Variants in NGFR observed in about 807,000 individuals in gnomAD.
The protein encoded by NGFR is tumor necrosis factor receptor superfamily member 16.
A neutral mutation model predicts 43.2 loss-of-function variants in NGFR; 30 were observed. That is an observed-to-expected ratio of 0.69 (90% CI 0.52 to 0.94). The LOEUF (loss-of-function observed/expected upper bound fraction) is 0.94, where lower values mean the gene tolerates loss of function less well. Ranked by LOEUF, NGFR falls within the 40% of genes least tolerant of loss-of-function variation. NGFR has a pLI of 0.00. For missense variants in NGFR, 529 were observed against 602.5 expected, an observed-to-expected ratio of 0.88 and a Z score of 1.28; for synonymous variants, 246 against 259.6, an observed-to-expected ratio of 0.95 and a Z score of 0.50.
chr17:49,510,476 C>G lies in NGFR; in HGVS notation c.633C>G (p.Ser211Arg), dbSNP rs777853819. ...AGGGCTCGGACAGCACAGCCCCCAG[C>G]ACCCAGGAGCCTGAGGCACCTCCAG... is the stretch of plus-strand genomic sequence containing the variant. The part of the protein sequence containing the change: ...PPEGSDSTAP[S>R]TQEPEAPPEQ... The change falls in exon 4 of 6, where the codon AGC becomes AGG. Residue 211 changes from serine to arginine, a missense_variant. Physicochemically the swap from Ser to Arg is moderately radical, Grantham distance 110. Coordinates refer to ENST00000172229, the MANE Select transcript of NGFR (RefSeq NM_002507.4). 1 of 1,614,126 alleles carries G rather than the reference C, an allele frequency of 6.2e-7. No individual in the cohort carries two copies. Among genetic ancestry groups the G allele is most frequent in the South Asian group, 1.1e-5 (1 of 91,074 alleles).
chr17:49,502,017 C>G, intron 1 of NGFR, 46 bp from the exon 2 acceptor site: 1 of 1,305,692 alleles, frequency 7.7e-7, no homozygotes. Context: ...CCAACCCACC[C>G]CAGCTTTCTC....
rs11466126 is a variant in NGFR at position 49,495,340 on chromosome 17, G to GAGCGC, written c.-64_-60dup. On this transcript the variant is annotated 5_prime_UTR_variant, in exon 1 of 6. Coordinates refer to ENST00000172229, the MANE Select transcript of NGFR (RefSeq NM_002507.4). The surrounding 1 kb of genome is among the most constrained non-coding windows in gnomAD (Gnocchi z 6.4). ...GCTCCGGCGGGCAGGGGGGGCGCTG[G>GAGCGC]AGCGCAGCGCAGCGCAGCCCCATCA... 73 of 1,110,138 alleles carry GAGCGC rather than the reference G, an allele frequency of 6.6e-5. No individual in the cohort carries two copies. The highest frequency in any genetic ancestry group is 6.6e-4 in the Middle Eastern group (2 of 3,012). The allele number at this position is 1,110,138 out of a possible 1,614,324, so 68.8% of individuals were successfully genotyped here. A position where few individuals can be genotyped will look rare whatever the true frequency, so the allele number is the denominator to read the frequency against.
At chr17:49,501,923 C>T in intron 1 of NGFR, 140 bp from the exon 2 acceptor site, 1 of 760,170 alleles carries the variant, frequency 1.3e-6, no homozygotes, top group Non-Finnish European at 2.0e-6. Flanking sequence ...TTCCTAACGC[C>T]TCCCTGGTGA....
In NGFR at chr17:49,513,095, T is replaced by A; in HGVS notation, c.*86T>A. On this transcript the variant is annotated 3_prime_UTR_variant, in exon 6 of 6. Transcript: ENST00000172229. ...CTGTGGAGCCCGCACCCCCACCCTT[T>A]GGGGGGGGCCCGCCTGGCAGAACTG... 1 of 1,349,604 alleles carries A rather than the reference T, an allele frequency of 7.4e-7. No homozygotes were observed. The highest frequency in any genetic ancestry group is 9.8e-7 in the Non-Finnish European group (1 of 1,021,412). 83.6% of individuals were successfully genotyped at this position (1,349,604 alleles called of 1,614,324 possible).
In NGFR at chr17:49,495,820, C is replaced by A; in HGVS notation, c.66+337C>A. The A allele has an allele frequency of 3.4e-6, 1 of 294,380 alleles. No homozygotes were observed. The highest frequency in any genetic ancestry group is 6.3e-6 in the Non-Finnish European group (1 of 159,448). 18.2% of individuals were successfully genotyped at this position (294,380 alleles called of 1,614,324 possible). ...TCTTCGGAAGAGGACACTCGAATGC[C>A]GGGATCCCGAAGGGACTTTCCCCTC... On this transcript the variant is annotated intron_variant, in intron 1 of 5. Transcript: ENST00000172229. This position sits in a 1 kb window ranked among gnomAD's most constrained non-coding sequence, Gnocchi z 6.4.
chr17:49,512,155 T>C lies in NGFR; in HGVS notation c.982+103T>C. 7.0e-7 allele frequency: 1 copy of C among 1,419,714 alleles called. No individual in the cohort carries two copies. The highest frequency in any genetic ancestry group is 9.4e-7 in the Non-Finnish European group (1 of 1,060,132). The allele number at this position is 1,419,714 out of a possible 1,614,324, so 87.9% of individuals were successfully genotyped here. A position where few individuals can be genotyped will look rare whatever the true frequency, so the allele number is the denominator to read the frequency against. Reference sequence around the variant, plus strand: ...AGGACTGTCGGGGGGGCGGCAGGGCTGGCTCAGCGGTGCCCCTGTAGATGG... The same window carrying C: ...AGGACTGTCGGGGGGGCGGCAGGGCCGGCTCAGCGGTGCCCCTGTAGATGG... On this transcript the variant is annotated intron_variant, in intron 5 of 5. Transcript: ENST00000172229. The surrounding 1 kb of genome is among the most constrained non-coding windows in gnomAD (Gnocchi z 5.2).
chr17:49,506,528 CGAG>C lies in NGFR; in HGVS notation c.442_444del (p.Glu148del). 1 of 1,611,764 alleles carries C rather than the reference CGAG, an allele frequency of 6.2e-7. No homozygotes were observed. Among genetic ancestry groups the C allele is most frequent in the Non-Finnish European group, 8.5e-7 (1 of 1,179,584 alleles). ...GCCAGGACAAGCAGAACACCGTGTG[CGAG>C]GAGTGCCCCGACGGCACGTATTCCG... On this transcript the variant is annotated inframe_deletion, in exon 3 of 6. Coordinates refer to ENST00000172229, the MANE Select transcript of NGFR (RefSeq NM_002507.4).
chr17:49,497,109 C>G (rs1192097395), intron 1 of NGFR: 2 of 152,268 alleles, frequency 1.3e-5, no homozygotes, highest in Admixed American at 6.5e-5. Flanking sequence ...TACTCCCCCA[C>G]CTTTTCAGGG....
chr17:49,505,361 C>T (rs1381383521), intron 2 of NGFR, among the ~76,000 whole-genome samples: 1 of 152,162 alleles, frequency 6.6e-6, no homozygotes, highest in Non-Finnish European at 1.5e-5. Flanking sequence ...TCCAGGGTGG[C>T]ACAGAGTTCC....
At chr17:49,508,564 C>G (rs1027397630) in intron 3 of NGFR, among the ~76,000 whole-genome samples, 7 of 152,288 alleles carry the variant, frequency 4.6e-5, no homozygotes, top group Non-Finnish European at 7.4e-5. Flanking sequence ...CATTTACTTA[C>G]GTTTCAGGTG....
intron 2 of NGFR, chr17:49,506,025 C>T: frequency 2.0e-6 from 1 of 499,160 alleles, no homozygotes; most frequent in Non-Finnish European, 3.4e-6. Flanking sequence ...AACTTAGCGG[C>T]ACCAGCTGGG....
intron 1 of NGFR, 64 bp from the exon 2 acceptor site, chr17:49,501,999 A>AGGGCCCCCCCCCCCCCCCCCC: frequency 3.0e-6 from 1 of 330,984 alleles, no homozygotes. Context: ...TCCCCGGAAG[A>AGGGCCCCCCCCCCCCCCCCCC]ACCCCCCCCA....
At chr17:49,502,749 C>T (rs1349401559) in intron 2 of NGFR, among the ~76,000 whole-genome samples, 3 of 151,898 alleles carry the variant, frequency 2.0e-5, no homozygotes, top group Non-Finnish European at 2.9e-5. Flanking sequence ...GCCATGAAGA[C>T]GTCCTTACTG....
intron 2 of NGFR, 45 bp from the exon 3 acceptor site, chr17:49,506,254 T>A (rs1332402713): frequency 6.6e-7 from 1 of 1,509,006 alleles, no homozygotes; most frequent in Non-Finnish European, 8.8e-7. Flanking sequence ...GCGTCCCGGG[T>A]GCCCAAAAGA....
chr17:49,495,751 A>T lies in NGFR; in HGVS notation c.66+268A>T. Reference sequence around the variant, plus strand: ...CGCAGGGGGCGGTGGGGGAGCTGGGAGGGGTCTTTCAAGAGGGGGCATGGG... The same window carrying T: ...CGCAGGGGGCGGTGGGGGAGCTGGGTGGGGTCTTTCAAGAGGGGGCATGGG... On this transcript the variant is annotated intron_variant, in intron 1 of 5. Coordinates refer to ENST00000172229, the MANE Select transcript of NGFR (RefSeq NM_002507.4). This position sits in a 1 kb window ranked among gnomAD's most constrained non-coding sequence, Gnocchi z 6.4. 3.8e-5 allele frequency: 13 copies of T among 340,618 alleles called. No homozygotes were observed. Among genetic ancestry groups the T allele is most frequent in the Non-Finnish European group, 5.8e-5 (11 of 190,014 alleles). The allele number at this position is 340,618 out of a possible 1,614,324, so 21.1% of individuals were successfully genotyped here. A position where few individuals can be genotyped will look rare whatever the true frequency, so the allele number is the denominator to read the frequency against.
chr17:49,504,543 C>T (rs1567739023), intron 2 of NGFR, among the ~76,000 whole-genome samples: 1 of 152,138 alleles, frequency 6.6e-6, no homozygotes, highest in South Asian at 2.1e-4. Flanking sequence ...GCAGATATTG[C>T]TCCTTATTTT....
In NGFR at chr17:49,512,131, G is replaced by A. The variant is rs2071237322; in HGVS notation, c.982+79G>A. On this transcript the variant is annotated intron_variant, in intron 5 of 5. Coordinates refer to ENST00000172229, the MANE Select transcript of NGFR (RefSeq NM_002507.4). This position sits in a 1 kb window ranked among gnomAD's most constrained non-coding sequence, Gnocchi z 5.2. ...AGCAATTAAGATTAGACTCCAGGAA[G>A]GACTGTCGGGGGGGCGGCAGGGCTG... 6.6e-7 allele frequency: 1 copy of A among 1,508,900 alleles called. No individual in the cohort carries two copies. The highest frequency in any genetic ancestry group is 1.3e-5 in the South Asian group (1 of 78,854). The allele number at this position is 1,508,900 out of a possible 1,614,324, so 93.5% of individuals were successfully genotyped here.
chr17:49,506,116 T>G, intron 2 of NGFR, 183 bp from the exon 3 acceptor site: 1 of 1,222,812 alleles, frequency 8.2e-7, no homozygotes, highest in East Asian at 2.8e-5. Context: ...CCTTTCCCAG[T>G]TGGCTGCCAC....
At chr17:49,506,700 G>GGGGGGGGGC in intron 3 of NGFR, 42 bp downstream of exon 3, 1 of 485,200 alleles carries the variant, frequency 2.1e-6, no homozygotes, top group Non-Finnish European at 3.2e-6. Flanking sequence ...GGGTGCGGGG[G>GGGGGGGGGC]TGGGCTGGGG....
Sources: gnomAD v4.1 joint callset for allele counts (sites outside exome capture counted in the v4.1 genomes callset) on GRCh38, gnomAD v4.1.1 for gene constraint, Gnocchi (gnomAD v3.1) non-coding constraint, MANE v1.5 for transcripts, NCBI Gene and HGNC (gene_info 2026-07-23, HGNC 2026-07-21) for gene names.